The following TAF2 variants were observed in gnomAD, a reference collection of about 807,000 sequenced individuals.
The protein encoded by TAF2 is transcription initiation factor TFIID subunit 2.
In TAF2, 61 loss-of-function variants were observed where a neutral mutation model predicts 138.5. That is an observed-to-expected ratio of 0.44 (90% CI 0.36 to 0.54). The LOEUF is 0.54. Ranked by LOEUF, TAF2 falls within the 20% of genes least tolerant of loss-of-function variation. The pLI, the probability that TAF2 is intolerant of heterozygous loss-of-function variation, is 0.00. For missense variants in TAF2, 1,090 were observed against 1,427.9 expected, an observed-to-expected ratio of 0.76 and a Z score of 3.81; for synonymous variants, 475 against 469.9, an observed-to-expected ratio of 1.01 and a Z score of -0.14.
intron 22 of TAF2, 60 bp downstream of exon 22, chr8:119,755,946 T>C (rs1820673359): frequency 4.5e-5 from 60 of 1,333,560 alleles, no homozygotes; most frequent in South Asian, 2.7e-4. Context: ...ATTGAAAATC[T>C]GTTGTAAAAT....
intron 25 of TAF2, among the ~76,000 whole-genome samples, chr8:119,739,130 C>T (rs956578890): frequency 6.6e-6 from 1 of 151,442 alleles, no homozygotes; most frequent in African/African-American, 2.4e-5. Context: ...CTCTCCGCTT[C>T]TTTCCCACAA....
chr8:119,744,444 T>C (rs776720050), intron 23 of TAF2, 51 bp from the exon 24 acceptor site: 1 of 1,473,858 alleles, frequency 6.8e-7, no homozygotes, highest in Admixed American at 1.7e-5. Context: ...TACATCATGT[T>C]ATGTTTGGAT....
intron 15 of TAF2, among the ~76,000 whole-genome samples, chr8:119,784,380 C>T (rs902970070): frequency 1.1e-4 from 17 of 152,068 alleles, no homozygotes; most frequent in African/African-American, 3.9e-4. Flanking sequence ...CAAGGCGAAA[C>T]CCCATCTCTA....
chr8:119,815,979 A>G (rs1307508137), intron 3 of TAF2, among the ~76,000 whole-genome samples: 2 of 152,084 alleles, frequency 1.3e-5, no homozygotes, highest in Non-Finnish European at 2.9e-5. Context: ...TCAGCCTCTT[A>G]TCCAAGTGTT....
chr8:119,815,199 T>C (rs1444438219), intron 3 of TAF2, among the ~76,000 whole-genome samples: 2 of 151,400 alleles, frequency 1.3e-5, no homozygotes, highest in East Asian at 4.0e-4. Flanking sequence ...GGAGGATCAC[T>C]TGAACCTGGG....
intron 18 of TAF2, among the ~76,000 whole-genome samples, chr8:119,771,263 T>A (rs922311710): frequency 1.3e-5 from 2 of 151,840 alleles, no homozygotes; most frequent in African/African-American, 4.8e-5. Context: ...TGAGACAGGT[T>A]CTCGCTCTGT....
chr8:119,788,266 T>C, intron 14 of TAF2, 72 bp downstream of exon 14: 2 of 1,387,660 alleles, frequency 1.4e-6, no homozygotes, highest in East Asian at 2.3e-5. Flanking sequence ...ACAAGAGAAT[T>C]TTTATTTTGG....
chr8:119,786,698 G>C (rs1394653788), intron 14 of TAF2, among the ~76,000 whole-genome samples: 1 of 152,158 alleles, frequency 6.6e-6, no homozygotes, highest in Non-Finnish European at 1.5e-5. Context: ...GAGGTGGGCA[G>C]ATCATCTGAG....
In TAF2 at chr8:119,746,758, C is replaced by G; in HGVS notation, c.3055G>C (p.Glu1019Gln). 1 of 1,614,156 alleles carries G rather than the reference C, an allele frequency of 6.2e-7. No homozygotes were observed. The highest frequency in any genetic ancestry group is 8.5e-7 in the Non-Finnish European group (1 of 1,180,020). Residue 1019 changes from glutamate to glutamine, a missense_variant, in exon 23 of 26, where the codon GAA becomes CAA. Coordinates refer to ENST00000378164, the MANE Select transcript of TAF2 (RefSeq NM_003184.4). Reference sequence around the variant, plus strand: ...TGACTGCTTGGATTATTTGCAGCTTCTTGGTTGCCTGCTACTGACTCTGGA... The same window carrying G: ...TGACTGCTTGGATTATTTGCAGCTTGTTGGTTGCCTGCTACTGACTCTGGA... ...IIPESVAGNQ[E>Q]AANNPSSHPQ...
intron 6 of TAF2, among the ~76,000 whole-genome samples, chr8:119,801,580 C>G (rs1301455035): frequency 6.6e-6 from 1 of 152,026 alleles, no homozygotes; most frequent in Non-Finnish European, 1.5e-5. Context: ...AGGCGCCCAC[C>G]ACCACGCCTG....
rs1266082077 is a variant in TAF2, at chr8:119,746,902, C to G, written c.2911G>C (p.Ala971Pro). ...TSHDWRLRCG[A>P]VDLYFTLFGL... ...AAAAGTGTGAAGTACAAGTCCACAG[C>G]ACCACACCGTAACCTCCAGTCATGT... is the stretch of plus-strand genomic sequence containing the variant. Residue 971 changes from alanine to proline, a missense_variant, in exon 23 of 26, where the codon GCT becomes CCT. Coordinates refer to ENST00000378164, the MANE Select transcript of TAF2 (RefSeq NM_003184.4). 1 of 1,614,012 alleles carries G rather than the reference C, an allele frequency of 6.2e-7. No homozygotes were observed. The highest frequency in any genetic ancestry group is 1.3e-5 in the African/African-American group (1 of 74,916).
intron 2 of TAF2, among the ~76,000 whole-genome samples, chr8:119,829,868 T>A (rs901715416): frequency 4.6e-5 from 7 of 150,912 alleles, no homozygotes; most frequent in African/African-American, 1.7e-4. Flanking sequence ...TAGTTTTTTT[T>A]TTTTTTTTTG....
intron 2 of TAF2, among the ~76,000 whole-genome samples, chr8:119,820,844 G>A (rs941267059): frequency 1.3e-5 from 2 of 152,124 alleles, no homozygotes; most frequent in African/African-American, 2.4e-5. Flanking sequence ...AAGAACAAAG[G>A]CCAAAATAAA....
chr8:119,755,816 G>A (rs572068461), intron 22 of TAF2, among the ~76,000 whole-genome samples, 190 bp downstream of exon 22: 74 of 152,142 alleles, frequency 4.9e-4, no homozygotes, highest in Non-Finnish European at 9.7e-4. Context: ...ACCACACTAT[G>A]GAGTAAAGTG....
chr8:119,737,656 G>A (rs929028863), intron 25 of TAF2, among the ~76,000 whole-genome samples: 3 of 151,460 alleles, frequency 2.0e-5, no homozygotes, highest in Non-Finnish European at 4.4e-5. Context: ...TTACAGGTGC[G>A]TACCACCATG....
In TAF2 at chr8:119,765,593, G is replaced by A. The variant is rs533759922; in HGVS notation, c.2365-2985C>T. The stretch of plus-strand genomic sequence containing the variant: ...GACCACCAACATTCAAAATGTTTTT[G>A]AATGCCATGCATAAACTTACTTATA... On this transcript the variant is annotated intron_variant, in intron 18 of 25. Transcript: ENST00000378164. Among the ~76,000 whole-genome samples, 64 of 152,272 alleles carry A rather than the reference G, an allele frequency of 4.2e-4. 1 individual carries two copies. Among genetic ancestry groups the A allele is most frequent in the African/African-American group, 1.5e-3 (62 of 41,552 alleles).
At chr8:119,763,148 T>G (rs1821180907) in intron 18 of TAF2, among the ~76,000 whole-genome samples, 1 of 152,196 alleles carries the variant, frequency 6.6e-6, no homozygotes, top group South Asian at 2.1e-4. Flanking sequence ...TGACTTCTAT[T>G]GTGGAGGCAG....
At chr8:119,737,970 G>A (rs185227050) in intron 25 of TAF2, among the ~76,000 whole-genome samples, 14 of 152,062 alleles carry the variant, frequency 9.2e-5, no homozygotes, top group African/African-American at 3.1e-4. Flanking sequence ...GCAGTAACAG[G>A]AGAACAAATC....
At chr8:119,808,202 AT>A (rs1471212399) in intron 3 of TAF2, among the ~76,000 whole-genome samples, 1 of 152,228 alleles carries the variant, frequency 6.6e-6, no homozygotes, top group Non-Finnish European at 1.5e-5. Context: ...TTTCTGTTAA[AT>A]AAACATTGTT....
Sources: gnomAD v4.1 joint callset for allele counts (sites outside exome capture counted in the v4.1 genomes callset) on GRCh38, gnomAD v4.1.1 for gene constraint, MANE v1.5 for transcripts, NCBI Gene and HGNC (gene_info 2026-07-23, HGNC 2026-07-21) for gene names.